The following PRSS3 variants were observed in gnomAD, a reference collection of about 807,000 sequenced individuals.
PRSS3 encodes the protein serine protease 3.
A neutral mutation model predicts 20.8 loss-of-function variants in PRSS3; 14 were observed. The ratio of observed to expected loss-of-function variants is 0.67; its 90% CI spans 0.44 to 1.05. The LOEUF (loss-of-function observed/expected upper bound fraction) is 1.05, where lower values mean the gene tolerates loss of function less well. Ranked by LOEUF, PRSS3 falls within the 50% of genes least tolerant of loss-of-function variation. The pLI, the probability that PRSS3 is intolerant of heterozygous loss-of-function variation, is 0.00. For synonymous variants in PRSS3, 91 were observed against 117.6 expected (o/e 0.77, Z 1.46); for missense variants, 237 against 306.4 (o/e 0.77, Z 1.69).
intron 3 of PRSS3, 57 bp from the exon 4 acceptor site, chr9:33,798,429 C>T: frequency 1.8e-5 from 29 of 1,604,334 alleles, no homozygotes; most frequent in Non-Finnish European, 2.4e-5. Context: ...ATTATTGTCT[C>T]CTTCTCTGGC....
chr9:33,771,995 C>G (rs1378376728), intron 1 of PRSS3, among the ~76,000 whole-genome samples: 2 of 151,726 alleles, frequency 1.3e-5, no homozygotes, highest in Non-Finnish European at 2.9e-5. Context: ...CCTCAGCCTC[C>G]CAATTAGCTG....
intron 1 of PRSS3, among the ~76,000 whole-genome samples, chr9:33,774,328 C>T (rs575790938): frequency 1.3e-5 from 2 of 152,292 alleles, no homozygotes; most frequent in East Asian, 3.9e-4. Flanking sequence ...TCAAAGTACT[C>T]AGTCTTCTAT....
At chr9:33,763,560 G>A (rs1208384809) in intron 1 of PRSS3, among the ~76,000 whole-genome samples, 11 of 152,046 alleles carry the variant, frequency 7.2e-5, no homozygotes, top group African/African-American at 1.4e-4. Flanking sequence ...TTAGCCGGGC[G>A]TGGTGGCGGG....
upstream of PRSS3, among the ~76,000 whole-genome samples, chr9:33,794,520 A>G (rs1824805655): frequency 6.6e-6 from 1 of 152,194 alleles, no homozygotes; most frequent in South Asian, 2.1e-4. Flanking sequence ...ATCTCACTGC[A>G]TCTAAAATAG....
chr9:33,763,570 G>C (rs565050071), intron 1 of PRSS3, among the ~76,000 whole-genome samples: 5 of 152,020 alleles, frequency 3.3e-5, no homozygotes, highest in Admixed American at 1.3e-4. Flanking sequence ...GTGGTGGCGG[G>C]CACCTGTAAT....
At chr9:33,766,766 C>T (rs902750167) in intron 1 of PRSS3, among the ~76,000 whole-genome samples, 1 of 151,628 alleles carries the variant, frequency 6.6e-6, no homozygotes, top group Non-Finnish European at 1.5e-5. Flanking sequence ...GCTGGGGGTG[C>T]TGGCAGGAAA....
At position 33,798,575 on chromosome 9, in the gene PRSS3, A is replaced by G. The variant is rs1369763734; in HGVS notation, c.544A>G (p.Ser182Gly). 5 of 1,614,020 alleles carry G rather than the reference A, an allele frequency of 3.1e-6. No individual in the cohort carries two copies. In the African/African-American group the frequency reaches 6.7e-5, roughly 22 times the overall value. ...CTCCTACCCTGGAAAGATTACCAAC[A>G]GCATGTTCTGTGTGGGCTTCCTTGA... ...KASYPGKITN[S>G]MFCVGFLEGG... The change falls in exon 4 of 5, where the codon AGC becomes GGC. Residue 182 changes from serine to glycine, a missense_variant. Coordinates refer to ENST00000379405, the MANE Select transcript of PRSS3 (RefSeq NM_002771.4).
chr9:33,776,154 A>G (rs1481860930), intron 1 of PRSS3, among the ~76,000 whole-genome samples: 4 of 152,270 alleles, frequency 2.6e-5, no homozygotes, highest in African/African-American at 9.6e-5. Flanking sequence ...AAAATTAAGA[A>G]TTCACTAGAT....
chr9:33,775,563 A>G (rs1411399372), intron 1 of PRSS3, among the ~76,000 whole-genome samples: 2 of 152,174 alleles, frequency 1.3e-5, no homozygotes, highest in African/African-American at 4.8e-5. Flanking sequence ...GGCTGACTGA[A>G]AAAACTATCT....
At chr9:33,754,028 TTGTC>T (rs981604173) in intron 1 of PRSS3, among the ~76,000 whole-genome samples, 23 of 152,260 alleles carry the variant, frequency 1.5e-4, no homozygotes, top group Admixed American at 3.3e-4. Context: ...TTGTCTTGTC[TTGTC>T]TTTTTTTTTC....
chr9:33,761,439 G>A (rs866592701), intron 1 of PRSS3, among the ~76,000 whole-genome samples: 11 of 152,158 alleles, frequency 7.2e-5, no homozygotes, highest in African/African-American at 2.4e-4. Flanking sequence ...AGGTGCAGTG[G>A]CTTACACCTG....
intron 1 of PRSS3, among the ~76,000 whole-genome samples, chr9:33,762,980 C>T (rs1216605611): frequency 6.6e-6 from 1 of 152,086 alleles, no homozygotes; most frequent in African/African-American, 2.4e-5. Flanking sequence ...TATTAATGTC[C>T]CTGTTTTAGA....
intron 2 of PRSS3, among the ~76,000 whole-genome samples, 184 bp downstream of exon 2, chr9:33,796,986 T>A (rs1251545028): frequency 6.6e-6 from 1 of 152,154 alleles, no homozygotes; most frequent in African/African-American, 2.4e-5. Flanking sequence ...GTTGTGGTCA[T>A]AAAAGCAGGC....
Position 33,798,542 on chromosome 9 carries a change from T to C in PRSS3, c.511T>C (p.Cys171Arg). The C allele has an allele frequency of 1.2e-6, 2 of 1,613,878 alleles. No individual in the cohort carries two copies. The highest frequency in any genetic ancestry group is 1.7e-6 in the Non-Finnish European group (2 of 1,179,944). Residue 171 changes from cysteine to arginine, a missense_variant, in exon 4 of 5, where the codon TGT becomes CGT. Coordinates refer to ENST00000379405, the MANE Select transcript of PRSS3 (RefSeq NM_002771.4). ...LDAPVLTQAECKASYPGKITN... is the reference protein window; with the variant it reads ...LDAPVLTQAERKASYPGKITN... The stretch of plus-strand genomic sequence containing the variant: ...TGCTCCGGTGCTGACCCAGGCTGAG[T>C]GTAAAGCCTCCTACCCTGGAAAGAT...
At chr9:33,786,210 A>G (rs1824404193) in intron 1 of PRSS3, 1 of 514,974 alleles carries the variant, frequency 1.9e-6, no homozygotes, top group South Asian at 2.3e-5. Context: ...GGGAGAGGCC[A>G]TCACTTGAAG....
At chr9:33,769,169 C>T (rs12554301) in intron 1 of PRSS3, among the ~76,000 whole-genome samples, 22,794 of 151,998 alleles carry the variant, frequency 0.15, 1,996 homozygotes, top group African/African-American at 0.23. Flanking sequence ...TCTTGCTGCT[C>T]ATAGTAAAAT....
intron 1 of PRSS3, among the ~76,000 whole-genome samples, chr9:33,780,677 C>A (rs1284362902): frequency 1.3e-5 from 2 of 152,166 alleles, no homozygotes; most frequent in African/African-American, 4.8e-5. Context: ...TGTAACAACA[C>A]CCACAGGCTC....
At chr9:33,766,714 G>T (rs928391320) in intron 1 of PRSS3, among the ~76,000 whole-genome samples, 7 of 152,118 alleles carry the variant, frequency 4.6e-5, no homozygotes, top group South Asian at 4.2e-4. Context: ...TCTAAATTAG[G>T]CAAATCCACA....
chr9:33,763,437 C>T lies in PRSS3; in HGVS notation c.-53+12710C>T, dbSNP rs186503221. Among the ~76,000 whole-genome samples, 69 of 152,324 alleles carry T rather than the reference C, an allele frequency of 4.5e-4. No individual in the cohort carries two copies. In the East Asian group the frequency reaches 6.4e-3, roughly 14 times the overall value. The stretch of plus-strand genomic sequence containing the variant: ...GGTGGAGGCCGGGCGTGGTGGCTCA[C>T]GCCTGTAATCCCAGCACTTTGGGAG... On this transcript the variant is annotated intron_variant, in intron 1 of 5. Coordinates refer to the PRSS3 transcript ENST00000342836.
Sources: allele counts gnomAD v4.1 joint callset (sites outside exome capture counted in the v4.1 genomes callset), GRCh38; gene constraint gnomAD v4.1.1; transcripts MANE v1.5; gene names NCBI Gene and HGNC (gene_info 2026-07-23, HGNC 2026-07-21).